The following MYH10 variants were observed in gnomAD, a reference collection of about 807,000 sequenced individuals.
MYH10 encodes myosin heavy chain 10.
A neutral mutation model predicts 257.8 loss-of-function variants in MYH10; 55 were observed. That is an observed-to-expected ratio of 0.21 (90% CI 0.17 to 0.27). The LOEUF (loss-of-function observed/expected upper bound fraction) is 0.27. Ranked by LOEUF, MYH10 falls within the 10% of genes least tolerant of loss-of-function variation. MYH10 has a pLI of 1.00. For missense variants in MYH10, 1,631 were observed against 2,500.6 expected (o/e 0.65, Z 7.42); for synonymous variants, 854 against 921.7 (o/e 0.93, Z 1.33).
chr17:8,549,278 G>A (rs564496661), intron 9 of MYH10, among the ~76,000 whole-genome samples: 1 of 152,298 alleles, frequency 6.6e-6, no homozygotes, highest in East Asian at 1.9e-4. Flanking sequence ...AGCACGTCCC[G>A]AGCCCAGCAA....
At chr17:8,594,875 A>T (rs1329108749) in intron 3 of MYH10, among the ~76,000 whole-genome samples, 1 of 152,224 alleles carries the variant, frequency 6.6e-6, no homozygotes, top group African/African-American at 2.4e-5. Context: ...AAAGAACAAA[A>T]GTCTGTCTGT....
At chr17:8,597,270 C>A (rs941292555) in intron 3 of MYH10, among the ~76,000 whole-genome samples, 2 of 150,722 alleles carry the variant, frequency 1.3e-5, no homozygotes, top group African/African-American at 4.9e-5. Flanking sequence ...TATAAAAACT[C>A]TTCTTCCATA....
chr17:8,574,800 ATAACTT>A (rs1567924041), intron 6 of MYH10, among the ~76,000 whole-genome samples: 3 of 152,240 alleles, frequency 2.0e-5, no homozygotes, highest in Non-Finnish European at 4.4e-5. Context: ...CACTGTAACT[ATAACTT>A]TAAGGCAATC....
intron 7 of MYH10, among the ~76,000 whole-genome samples, chr17:8,564,821 A>G (rs1336934809): frequency 6.6e-6 from 1 of 152,254 alleles, no homozygotes; most frequent in Admixed American, 6.5e-5. Flanking sequence ...GTAATTAGTT[A>G]CAGCTTGTGA....
chr17:8,557,724 C>T (rs557299106), intron 7 of MYH10, among the ~76,000 whole-genome samples: 43 of 152,218 alleles, frequency 2.8e-4, no homozygotes, highest in African/African-American at 1.0e-3. Flanking sequence ...CAGGCTCTTG[C>T]TACATCTTAC....
intron 2 of MYH10, among the ~76,000 whole-genome samples, chr17:8,611,409 C>G (rs2152087951): frequency 6.6e-6 from 1 of 152,276 alleles, no homozygotes; most frequent in Admixed American, 6.5e-5. Flanking sequence ...GGCTGAAATC[C>G]AAGATAATAT....
intron 20 of MYH10, 37 bp from the exon 21 acceptor site, chr17:8,518,828 C>T (rs1025887176): frequency 8.7e-6 from 14 of 1,602,452 alleles, no homozygotes; most frequent in East Asian, 2.2e-5. Flanking sequence ...TTTTTAACTA[C>T]AAGAAAGATT....
intron 38 of MYH10, chr17:8,480,742 ATC>A: frequency 1.6e-6 from 1 of 622,294 alleles, no homozygotes. Flanking sequence ...CAGGCCTGTC[ATC>A]TCTCACCTGG....
chr17:8,480,254 C>T lies in MYH10; in HGVS notation c.5453G>A (p.Arg1818His), dbSNP rs566193797. The T allele has an allele frequency of 2.4e-5, 39 of 1,614,090 alleles. No homozygotes were observed. In the African/African-American group the frequency reaches 2.8e-4, roughly 12 times the overall value. ...CTTGTTCTGCCGCTCCAGTTGCTGGCGTGCATTGTCACTCTTCTGGGCGGC... is the reference window on the plus strand; with the variant it reads ...CTTGTTCTGCCGCTCCAGTTGCTGGTGTGCATTGTCACTCTTCTGGGCGGC... ...RSAAQKSDNA[R>H]QQLERQNKEL... Residue 1818 changes from arginine (R) to histidine (H), a missense_variant, in exon 40 of 43, where the codon CGC becomes CAC. By Grantham distance (29) the Arg-to-His change is conservative. Around this residue, in one of 11 missense-constraint regions of MYH10, gnomAD observed 343 missense variants for 389.5 expected, o/e 0.88. Coordinates refer to ENST00000360416, the MANE Select transcript of MYH10 (RefSeq NM_001256012.3).
At chr17:8,497,896 C>G (rs985002563) in intron 30 of MYH10, among the ~76,000 whole-genome samples, 8 of 150,794 alleles carry the variant, frequency 5.3e-5, no homozygotes, top group Non-Finnish European at 1.2e-4. Flanking sequence ...TTTTACATAG[C>G]AGTTACATCG....
chr17:8,581,137 C>T (rs946558382), intron 4 of MYH10, among the ~76,000 whole-genome samples: 4 of 151,730 alleles, frequency 2.6e-5, no homozygotes, highest in Non-Finnish European at 5.9e-5. Flanking sequence ...GAGGGAGTGG[C>T]GAGAGAGGCA....
At chr17:8,502,806 A>G (rs2080939441) in intron 28 of MYH10, among the ~76,000 whole-genome samples, 1 of 152,184 alleles carries the variant, frequency 6.6e-6, no homozygotes, top group Non-Finnish European at 1.5e-5. Context: ...AAATATGCGC[A>G]TTTAGTTTTT....
At chr17:8,495,843 G>A (rs1916504414) in intron 30 of MYH10, among the ~76,000 whole-genome samples, 1 of 152,024 alleles carries the variant, frequency 6.6e-6, no homozygotes, top group Admixed American at 6.6e-5. Flanking sequence ...CCGAGTGGCT[G>A]GGATTACAGG....
chr17:8,601,087 C>T (rs1042149715), intron 3 of MYH10, among the ~76,000 whole-genome samples: 4 of 152,214 alleles, frequency 2.6e-5, no homozygotes, highest in Non-Finnish European at 5.9e-5. Context: ...TCATTGTGGC[C>T]TAAAAAAGTG....
chr17:8,519,816 A>G (rs1364972668), intron 19 of MYH10, among the ~76,000 whole-genome samples: 1 of 152,176 alleles, frequency 6.6e-6, no homozygotes, highest in Non-Finnish European at 1.5e-5. Flanking sequence ...TTTCCAGAAA[A>G]AAGAAGAAAA....
chr17:8,628,544 T>C (rs1360885230), intron 1 of MYH10, among the ~76,000 whole-genome samples: 1 of 152,184 alleles, frequency 6.6e-6, no homozygotes, highest in Non-Finnish European at 1.5e-5. Flanking sequence ...AAAACAGAAC[T>C]GTCCCAATTT....
chr17:8,589,647 A>G (rs1037889461), intron 3 of MYH10, among the ~76,000 whole-genome samples: 12 of 152,208 alleles, frequency 7.9e-5, no homozygotes, highest in Non-Finnish European at 1.0e-4. Context: ...TTAAACACTG[A>G]GTGGAAAGAA....
chr17:8,556,349 T>C (rs1379252339), intron 7 of MYH10, among the ~76,000 whole-genome samples: 2 of 152,186 alleles, frequency 1.3e-5, no homozygotes, highest in Non-Finnish European at 2.9e-5. Flanking sequence ...TTAATAGCCC[T>C]AAACTGGAAA....
chr17:8,509,964 A>G lies in MYH10; in HGVS notation c.2953-15T>C, dbSNP rs1273476659. The G allele has an allele frequency of 6.3e-7, 1 of 1,597,780 alleles. No individual in the cohort carries two copies. The highest frequency in any genetic ancestry group is 8.5e-7 in the Non-Finnish European group (1 of 1,173,578). On this transcript the variant is annotated splice_polypyrimidine_tract_variant and intron_variant, in intron 24 of 42. Transcript: ENST00000360416. ...TCTTCCAGGTCCTTGTGAAGAACAC[A>G]CAGTCAGTCTCGCCACTTTCTCGAG...
Sources: allele counts gnomAD v4.1 joint callset (sites outside exome capture counted in the v4.1 genomes callset), GRCh38; gene constraint gnomAD v4.1.1; regional missense constraint gnomAD v4.1.1; transcripts MANE v1.5; gene names NCBI Gene and HGNC (gene_info 2026-07-23, HGNC 2026-07-21).